Variants in MYO3A observed in about 807,000 individuals in gnomAD.
MYO3A encodes myosin-IIIa.
A neutral mutation model predicts 192.7 loss-of-function variants in MYO3A; 180 were observed. The observed-to-expected ratio is 0.93, with a 90% CI of 0.83 to 1.06. The LOEUF is 1.06. Among genes scored for constraint, MYO3A ranks in the 50% least tolerant of loss-of-function variants. MYO3A has a pLI of 0.00. For synonymous variants in MYO3A, 628 were observed against 645.3 expected (o/e 0.97, Z 0.41); for missense variants, 1,896 against 1,905.0 (o/e 1.00, Z 0.09).
At position 26,174,424 on chromosome 10, in the gene MYO3A, C is replaced by A; in HGVS notation, c.4160C>A (p.Ala1387Glu). 6.2e-7 allele frequency: 1 copy of A among 1,614,124 alleles called. No homozygotes were observed. The highest frequency in any genetic ancestry group is 8.5e-7 in the Non-Finnish European group (1 of 1,180,018). The change falls in exon 30 of 35, where the codon GCA becomes GAA. Residue 1387 changes from alanine to glutamate, a missense_variant. Coordinates refer to ENST00000642920, the MANE Select transcript of MYO3A (RefSeq NM_017433.5). ...QRIVTTPTEV[A>E]RNTHNLYSYP... ...ATTGTCACAACACCAACAGAAGTAG[C>A]AAGAAACACTCATAATTTGTATTCC...
chr10:26,179,823 C>A (rs183047959), intron 31 of MYO3A, among the ~76,000 whole-genome samples: 63 of 152,242 alleles, frequency 4.1e-4, no homozygotes, highest in African/African-American at 1.5e-3. Flanking sequence ...AACTATTGTT[C>A]AATCTCAATT....
intron 15 of MYO3A, among the ~76,000 whole-genome samples, chr10:26,094,595 T>C (rs1836897943): frequency 6.6e-6 from 1 of 152,078 alleles, no homozygotes; most frequent in South Asian, 2.1e-4. Flanking sequence ...TGGCTAATTT[T>C]TTGTATTTTT....
intron 17 of MYO3A, among the ~76,000 whole-genome samples, chr10:26,108,407 T>G (rs1342693075): frequency 6.6e-6 from 1 of 152,230 alleles, no homozygotes; most frequent in Non-Finnish European, 1.5e-5. Context: ...AACAAAAAAC[T>G]AATTCTTCAA....
At chr10:26,134,329 C>T (rs1839724976) in intron 20 of MYO3A, among the ~76,000 whole-genome samples, 1 of 152,134 alleles carries the variant, frequency 6.6e-6, no homozygotes, top group Non-Finnish European at 1.5e-5. Flanking sequence ...CCAGCATTCT[C>T]TGTGACTTGC....
chr10:26,182,533 C>G (rs1842662065), intron 31 of MYO3A, among the ~76,000 whole-genome samples: 1 of 152,110 alleles, frequency 6.6e-6, no homozygotes, highest in Non-Finnish European at 1.5e-5. Flanking sequence ...GAATGTTCTT[C>G]AATTCTGTAT....
At chr10:26,156,403 G>A (rs1012291791) in intron 25 of MYO3A, among the ~76,000 whole-genome samples, 3 of 152,104 alleles carry the variant, frequency 2.0e-5, no homozygotes, top group East Asian at 1.9e-4. Flanking sequence ...TGAGATACTC[G>A]CTTTCTGGGA....
In MYO3A at chr10:26,021,501, A is replaced by G; in HGVS notation, c.586-2A>G. On this transcript the variant is annotated splice_acceptor_variant, in intron 7 of 34. Coordinates refer to ENST00000642920, the MANE Select transcript of MYO3A (RefSeq NM_017433.5). LOFTEE classifies it high-confidence loss of function. ...CCTTTTGATGGTGTGGTTTTCTACT[A>G]GGTGATTGCATGTGAACAGCAATTG... 6.2e-7 allele frequency: 1 copy of G among 1,613,960 alleles called. No homozygotes were observed. Among genetic ancestry groups the G allele is most frequent in the Non-Finnish European group, 8.5e-7 (1 of 1,179,828 alleles).
intron 31 of MYO3A, 93 bp downstream of exon 31, chr10:26,176,938 G>T: frequency 7.0e-7 from 1 of 1,431,502 alleles, no homozygotes; most frequent in South Asian, 1.2e-5. Context: ...TGGCAGATTT[G>T]AGGAGCCTGT....
intron 17 of MYO3A, among the ~76,000 whole-genome samples, chr10:26,118,215 C>T (rs1418876827): frequency 6.6e-6 from 1 of 151,880 alleles, no homozygotes; most frequent in Non-Finnish European, 1.5e-5. Context: ...CTATAGTTTC[C>T]TCAAGAAAAA....
intron 14 of MYO3A, among the ~76,000 whole-genome samples, chr10:26,081,851 G>T (rs1835977957): frequency 6.6e-6 from 1 of 152,190 alleles, no homozygotes; most frequent in Non-Finnish European, 1.5e-5. Context: ...CTCCAGTGGG[G>T]ATGTGTGTTC....
At chr10:26,137,237 G>T (rs1839907102) in intron 20 of MYO3A, among the ~76,000 whole-genome samples, 1 of 152,142 alleles carries the variant, frequency 6.6e-6, no homozygotes, top group Non-Finnish European at 1.5e-5. Flanking sequence ...CCAGACATGG[G>T]TAATTTCAGA....
intron 4 of MYO3A, among the ~76,000 whole-genome samples, chr10:25,982,636 T>C (rs11014884): frequency 0.096 from 14,536 of 152,098 alleles, 1,219 homozygotes; most frequent in African/African-American, 0.22. Context: ...CAGACGCTCC[T>C]CAGTACTAAC....
At chr10:26,072,720 G>A (rs1401462653) in intron 14 of MYO3A, among the ~76,000 whole-genome samples, 1 of 151,666 alleles carries the variant, frequency 6.6e-6, no homozygotes, top group Non-Finnish European at 1.5e-5. Context: ...AAATCTGTGG[G>A]ACTATTGGGT....
rs768477621 is a variant in MYO3A, at chr10:26,026,407, A to G, written c.828A>G (p.Pro276=). Residue 276 remains proline (P), a synonymous_variant, in exon 10 of 35, where the codon CCA becomes CCG. Transcript: ENST00000642920. ...TGACTAAAGATTATGAAAAGCGTCC[A>G]ACAGTGTCAGAACTTTTACAGCATA... The part of the protein sequence containing the change: ...KCLTKDYEKR[P]TVSELLQHKF... 4 of 1,614,064 alleles carry G rather than the reference A, an allele frequency of 2.5e-6. No individual in the cohort carries two copies. The highest frequency in any genetic ancestry group is 2.5e-6 in the Non-Finnish European group (3 of 1,180,016).
intron 4 of MYO3A, among the ~76,000 whole-genome samples, chr10:25,970,168 G>A (rs965516807): frequency 6.6e-6 from 1 of 151,692 alleles, no homozygotes; most frequent in Non-Finnish European, 1.5e-5. Flanking sequence ...AATTATTTGA[G>A]GATACATAAA....
chr10:26,058,264 T>C (rs1164844974), intron 10 of MYO3A, among the ~76,000 whole-genome samples: 1 of 152,248 alleles, frequency 6.6e-6, no homozygotes, highest in Non-Finnish European at 1.5e-5. Flanking sequence ...TTAAGTTCTT[T>C]CACTTAGCAA....
intron 17 of MYO3A, among the ~76,000 whole-genome samples, chr10:26,101,095 A>G (rs1397078531): frequency 2.6e-5 from 4 of 152,164 alleles, no homozygotes; most frequent in South Asian, 2.1e-4. Flanking sequence ...TTGGGTGCAT[A>G]TATATTTAGG....
At chr10:25,944,978 G>A (rs575572168) in intron 2 of MYO3A, among the ~76,000 whole-genome samples, 40 of 151,896 alleles carry the variant, frequency 2.6e-4, no homozygotes, top group Non-Finnish European at 4.4e-4. Context: ...GTAAAGTTAC[G>A]TCATTGATTT....
chr10:26,174,178 A>G lies in MYO3A; in HGVS notation c.3914A>G (p.Lys1305Arg). 1 of 1,614,240 alleles carries G rather than the reference A, an allele frequency of 6.2e-7. No individual in the cohort carries two copies. The highest frequency in any genetic ancestry group is 8.5e-7 in the Non-Finnish European group (1 of 1,180,032). ...YQNANSMEKE[K>R]KTSVVTQRAP... ...AATGCAAACAGCATGGAAAAAGAAA[A>G]GAAGACATCTGTAGTTACCCAGCGT... Residue 1305 changes from lysine to arginine, a missense_variant, in exon 30 of 35, where the codon AAG (lysine) becomes AGG (arginine). Transcript: ENST00000642920.
Sources: gnomAD v4.1 joint callset for allele counts (sites outside exome capture counted in the v4.1 genomes callset) on GRCh38, gnomAD v4.1.1 for gene constraint, MANE v1.5 for transcripts, NCBI Gene and HGNC (gene_info 2026-07-23, HGNC 2026-07-21) for gene names.